Variants in BUD13 observed in about 807,000 individuals in gnomAD.
The protein encoded by BUD13 is BUD13 homolog.
A neutral mutation model predicts 62.5 loss-of-function variants in BUD13; 47 were observed. The observed-to-expected ratio is 0.75, with a 90% CI of 0.60 to 0.96. The LOEUF is 0.96. BUD13 is among the 40% of genes least tolerant of loss of function. The pLI, the probability that BUD13 is intolerant of heterozygous loss-of-function variation, is 0.00. For synonymous variants in BUD13, 293 were observed against 280.1 expected (o/e 1.05, Z -0.46); for missense variants, 821 against 790.9 (o/e 1.04, Z -0.46).
At chr11:116,756,102 G>A (rs982772636) in intron 9 of BUD13, among the ~76,000 whole-genome samples, 1 of 152,036 alleles carries the variant, frequency 6.6e-6, no homozygotes, top group Non-Finnish European at 1.5e-5. Context: ...CAGCTACTCA[G>A]GCCACTGAAG....
chr11:116,765,499 A>C, intron 2 of BUD13, 53 bp from the exon 3 acceptor site: 3 of 1,595,900 alleles, frequency 1.9e-6, no homozygotes, highest in Non-Finnish European at 2.6e-6. Flanking sequence ...CCAGCCAAGA[A>C]GCACTGTCTC....
At chr11:116,767,239 T>A (rs1361689041) in intron 2 of BUD13, among the ~76,000 whole-genome samples, 1 of 150,612 alleles carries the variant, frequency 6.6e-6, no homozygotes, top group African/African-American at 2.4e-5. Flanking sequence ...AGGCAAATGA[T>A]AAAATACACC....
At chr11:116,751,703 G>T (rs1292123267) in intron 9 of BUD13, among the ~76,000 whole-genome samples, 2 of 152,060 alleles carry the variant, frequency 1.3e-5, no homozygotes, top group East Asian at 3.9e-4. Context: ...GTATTCCAAA[G>T]CACCAAGGAA....
At chr11:116,765,258 A>G in intron 3 of BUD13, 104 bp downstream of exon 3, 1 of 1,204,372 alleles carries the variant, frequency 8.3e-7, no homozygotes, top group Non-Finnish European at 1.2e-6. Context: ...AGGATCAATG[A>G]CATGCTAAAA....
At chr11:116,767,118 G>A (rs1294822710) in intron 2 of BUD13, among the ~76,000 whole-genome samples, 1 of 151,626 alleles carries the variant, frequency 6.6e-6, no homozygotes, top group Admixed American at 6.6e-5. Context: ...AACCTGGGAG[G>A]CAGAGGCTGC....
At position 116,757,833 on chromosome 11, in the gene BUD13, T is replaced by C. The variant is rs1296954837; in HGVS notation, c.1617A>G (p.Glu539=). 2.0e-5 allele frequency: 32 copies of C among 1,614,028 alleles called. No homozygotes were observed. Among genetic ancestry groups the C allele is most frequent in the Non-Finnish European group, 2.6e-5 (31 of 1,180,036 alleles). The change falls in exon 8 of 10, where the codon GAA becomes GAG. Residue 539 remains glutamate, a synonymous_variant. Coordinates refer to ENST00000260210, the MANE Select transcript of BUD13 (RefSeq NM_032725.4). ...AGTTGGCCATAGGGTCCCCCTCTCT[T>C]TCCTGTTCTCTTAGCATCCTATCCA... ...EDLDRMLREQ[E]REGDPMANFI...
At position 116,762,445 on chromosome 11, in the gene BUD13, A is replaced by G. The variant is rs1940446530; in HGVS notation, c.1036+108T>C. 6.8e-6 allele frequency: 7 copies of G among 1,023,024 alleles called. No individual in the cohort carries two copies. The Admixed American group carries it at 1.1e-4, about 16-fold the overall frequency. The allele number at this position is 1,023,024 out of a possible 1,614,324, so 63.4% of individuals were successfully genotyped here. ...CCCAAACCCAGCCTCTCACTTTTCAAAACTTTCCCAAAGAAATTCCATTCT... is the reference window on the plus strand; with the variant it reads ...CCCAAACCCAGCCTCTCACTTTTCAGAACTTTCCCAAAGAAATTCCATTCT... On this transcript the variant is annotated intron_variant, in intron 4 of 9. Transcript: ENST00000260210.
At chr11:116,754,671 A>C (rs1940295020) in intron 9 of BUD13, among the ~76,000 whole-genome samples, 1 of 152,204 alleles carries the variant, frequency 6.6e-6, no homozygotes, top group Admixed American at 6.5e-5. Flanking sequence ...TTTCTTCCTG[A>C]GATTAGGAAC....
chr11:116,771,110 C>T (rs150213076), intron 1 of BUD13, among the ~76,000 whole-genome samples: 93 of 152,292 alleles, frequency 6.1e-4, no homozygotes, highest in African/African-American at 2.1e-3. Context: ...TCTTCAGGTC[C>T]TAACACAAAT....
At chr11:116,765,318 C>T in intron 3 of BUD13, 44 bp downstream of exon 3, 1 of 1,582,686 alleles carries the variant, frequency 6.3e-7, no homozygotes, top group East Asian at 2.2e-5. Flanking sequence ...AAAAAGATCT[C>T]CCCTACTAAT....
chr11:116,766,522 G>A (rs1940532058), intron 2 of BUD13, among the ~76,000 whole-genome samples: 1 of 152,224 alleles, frequency 6.6e-6, no homozygotes, highest in Non-Finnish European at 1.5e-5. Context: ...GATGAATTAA[G>A]ATCTAAACCC....
Position 116,766,261 on chromosome 11 carries a change from G to A in BUD13, c.238-815C>T, listed in dbSNP as rs542550643. ...AACTATGTGCAAGGTACTGTGTTTT[G>A]TGGTTTACTCATATAATCTAACTCG... On this transcript the variant is annotated intron_variant, in intron 2 of 9. Coordinates refer to ENST00000260210, the MANE Select transcript of BUD13 (RefSeq NM_032725.4). Among the ~76,000 whole-genome samples, 17 of 152,304 alleles carry A rather than the reference G, an allele frequency of 1.1e-4. No homozygotes were observed. The East Asian group carries it at 3.1e-3, about 28-fold the overall frequency.
rs1250156848 is a variant in BUD13, at chr11:116,768,585, TA to T, written c.237+1543del. 2.6e-3 allele frequency among the ~76,000 whole-genome samples: 401 copies of T among 151,392 alleles called. 3 individuals carry two copies. Among genetic ancestry groups the T allele is most frequent in the African/African-American group, 9.0e-3 (373 of 41,284 alleles). On this transcript the variant is annotated intron_variant, in intron 2 of 9. Transcript: ENST00000260210. The stretch of plus-strand genomic sequence containing the variant: ...TAAATATGCATTGCTTTTATAAAAT[TA>T]AAAAAAAACAACAAACATTGTTAAT...
Position 116,748,419 on chromosome 11 carries a change from A to T in BUD13, c.*63T>A. 2 of 1,419,892 alleles carry T rather than the reference A, an allele frequency of 1.4e-6. No individual in the cohort carries two copies. The highest frequency in any genetic ancestry group is 2.3e-5 in the East Asian group (1 of 43,956). The allele number at this position is 1,419,892 out of a possible 1,614,324, so 88.0% of individuals were successfully genotyped here. On this transcript the variant is annotated 3_prime_UTR_variant, in exon 10 of 10. Coordinates refer to ENST00000260210, the MANE Select transcript of BUD13 (RefSeq NM_032725.4). ...ATTATTAGCACAGACAACTGTTACC[A>T]CTGGATATCTCGCTGCCTATGCCCA...
In BUD13 at chr11:116,765,404, T is replaced by C. The variant is rs754721916; in HGVS notation, c.280A>G (p.Met94Val). The C allele has an allele frequency of 2.0e-5, 32 of 1,614,076 alleles. No individual in the cohort carries two copies. The South Asian group carries it at 2.6e-4, about 13-fold the overall frequency. ...TTGGCACTGGAACGAAAGGCCTCCA[T>C]CTGCTTTACCTCTTCTGGCCGCTCA... ...VDERPEEVKQ[M>V]EAFRSSAKWK... Residue 94 changes from methionine to valine, a missense_variant, in exon 3 of 10, where the codon ATG becomes GTG. By Grantham distance (21) the Met-to-Val change is conservative. Around this residue, in one of 2 missense-constraint regions of BUD13, gnomAD observed 800 missense variants for 739.2 expected, o/e 1.08. Transcript: ENST00000260210.
chr11:116,757,035 T>C (rs536992702), intron 9 of BUD13, 111 bp downstream of exon 9: 39 of 1,033,888 alleles, frequency 3.8e-5, no homozygotes, highest in Non-Finnish European at 5.4e-5. Flanking sequence ...GCAAAGTGCA[T>C]ATTTTTCACC....
intron 1 of BUD13, 24 bp from the exon 2 acceptor site, chr11:116,770,246 A>C (rs1446448082): frequency 6.3e-7 from 1 of 1,581,426 alleles, no homozygotes; most frequent in East Asian, 2.2e-5. Flanking sequence ...AGAAGATCAA[A>C]AAGAGTCATT....
rs1160989769 is a variant in BUD13 at position 116,772,941 on chromosome 11, G to A, written c.24C>T (p.Ser8=). MAAAPPL[S]KAEYLKRYLS... Reference sequence around the variant, plus strand: ...AGTAACGCTTCAGATACTCGGCCTTGGAAAGCGGCGGAGCTGCCGCCATGG... The same window carrying A: ...AGTAACGCTTCAGATACTCGGCCTTAGAAAGCGGCGGAGCTGCCGCCATGG... Residue 8 remains serine (S), a synonymous_variant, in exon 1 of 10, where the codon TCC becomes TCT. Transcript: ENST00000260210. The A allele has an allele frequency of 6.4e-6, 10 of 1,573,764 alleles. No homozygotes were observed. In the Admixed American group the frequency reaches 1.4e-4, roughly 22 times the overall value.
At position 116,772,938 on chromosome 11, in the gene BUD13, C is replaced by G. The variant is rs1591304738; in HGVS notation, c.27G>C (p.Lys9Asn). 5.7e-6 allele frequency: 9 copies of G among 1,576,934 alleles called. No individual in the cohort carries two copies. In the East Asian group the frequency reaches 1.9e-4, roughly 34 times the overall value. MAAAPPLSKAEYLKRYLSG... is the reference protein window; with the variant it reads MAAAPPLSNAEYLKRYLSG... Reference sequence around the variant, plus strand: ...ACAAGTAACGCTTCAGATACTCGGCCTTGGAAAGCGGCGGAGCTGCCGCCA... The same window carrying G: ...ACAAGTAACGCTTCAGATACTCGGCGTTGGAAAGCGGCGGAGCTGCCGCCA... Residue 9 changes from lysine to asparagine, a missense_variant, in exon 1 of 10, where the codon AAG becomes AAC. Around this residue, in one of 2 missense-constraint regions of BUD13, gnomAD observed 800 missense variants for 739.2 expected, o/e 1.08. Coordinates refer to ENST00000260210, the MANE Select transcript of BUD13 (RefSeq NM_032725.4).
Sources: allele counts gnomAD v4.1 joint callset (sites outside exome capture counted in the v4.1 genomes callset), GRCh38; gene constraint gnomAD v4.1.1; regional missense constraint gnomAD v4.1.1; transcripts MANE v1.5; gene names NCBI Gene and HGNC (gene_info 2026-07-23, HGNC 2026-07-21).